Variants in CNNM4 observed in about 807,000 individuals in gnomAD.
CNNM4 encodes cyclin and CBS domain divalent metal cation transport mediator 4.
In CNNM4, 32 loss-of-function variants were observed where a neutral mutation model predicts 53.7. That is an observed-to-expected ratio of 0.60 (90% CI 0.45 to 0.80). CNNM4 has a LOEUF of 0.80. Ranked by LOEUF, CNNM4 falls within the 30% of genes least tolerant of loss-of-function variation. CNNM4 has a pLI of 0.00. For missense variants in CNNM4, 784 were observed against 1,022.0 expected (o/e 0.77, Z 3.17); for synonymous variants, 410 against 440.0 (o/e 0.93, Z 0.85).
chr2:96,792,986 G>A lies in CNNM4; in HGVS notation c.1403-4026G>A, dbSNP rs140983820. Among the ~76,000 whole-genome samples the A allele has an allele frequency of 2.0e-3, 297 of 152,240 alleles. 1 individual carries two copies. Among genetic ancestry groups the A allele is most frequent in the African/African-American group, 6.6e-3 (275 of 41,526 alleles). ...AGAGGAATCTGGAGGGCACGGGAGA[G>A]GACAGGGCTGCAGAGATTTATTTGG... On this transcript the variant is annotated intron_variant, in intron 1 of 6. Coordinates refer to ENST00000377075, the MANE Select transcript of CNNM4 (RefSeq NM_020184.4).
chr2:96,781,657 TG>T (rs1228247462), intron 1 of CNNM4, among the ~76,000 whole-genome samples: 5 of 152,228 alleles, frequency 3.3e-5, no homozygotes, highest in Non-Finnish European at 1.5e-5. Context: ...CAGTGAGCTT[TG>T]GGGTCCAGAG....
intron 1 of CNNM4, among the ~76,000 whole-genome samples, chr2:96,778,742 T>C (rs1420420338): frequency 1.3e-5 from 2 of 151,724 alleles, no homozygotes; most frequent in African/African-American, 2.4e-5. Flanking sequence ...GCATGCCACT[T>C]GTCCCAGTTA....
chr2:96,799,120 C>T lies in CNNM4; in HGVS notation c.1745C>T (p.Pro582Leu). Residue 582 changes from proline (P) to leucine (L), a missense_variant, in exon 4 of 7, where the codon CCA (proline) becomes CTA (leucine). Pro to Leu is a moderately conservative substitution (Grantham distance 98, BLOSUM62 -3). Coordinates refer to ENST00000377075, the MANE Select transcript of CNNM4 (RefSeq NM_020184.4). ...ATCCTGCTGCGGCTACTCAAGTACC[C>T]AGATGTCATTCAGGAACTCAAGTTT... The part of the protein sequence containing the change: ...EKILLRLLKY[P>L]DVIQELKFDE... 1 of 1,614,028 alleles carries T rather than the reference C, an allele frequency of 6.2e-7. No individual in the cohort carries two copies. Among genetic ancestry groups the T allele is most frequent in the Non-Finnish European group, 8.5e-7 (1 of 1,179,986 alleles).
At chr2:96,795,210 T>G (rs933975574) in intron 1 of CNNM4, among the ~76,000 whole-genome samples, 3 of 152,248 alleles carry the variant, frequency 2.0e-5, no homozygotes, top group Admixed American at 2.0e-4. Flanking sequence ...GCACTGTCTT[T>G]CTGGAGGGCA....
chr2:96,796,931 C>A, intron 1 of CNNM4, 81 bp from the exon 2 acceptor site: 1 of 1,446,876 alleles, frequency 6.9e-7, no homozygotes, highest in African/African-American at 1.4e-5. Context: ...TATGACCCTA[C>A]GTCTAGAGTT....
chr2:96,792,635 T>C (rs2079071847), intron 1 of CNNM4, among the ~76,000 whole-genome samples: 1 of 152,034 alleles, frequency 6.6e-6, no homozygotes, highest in African/African-American at 2.4e-5. Context: ...AAACCCCATC[T>C]CTACTAAAAA....
chr2:96,804,170 C>T (rs951411717), intron 5 of CNNM4, among the ~76,000 whole-genome samples: 2 of 151,770 alleles, frequency 1.3e-5, no homozygotes, highest in Non-Finnish European at 2.9e-5. Context: ...ACTGGGATTA[C>T]AGGCATGAAC....
rs752249547 is a variant in CNNM4, at chr2:96,761,740, C to T, written c.741C>T (p.Leu247=). ...RKGNYLLCSL[L]LGNVLVNTSL... Reference sequence around the variant, plus strand: ...GCAACTACCTTCTCTGCTCGTTGCTCCTAGGGAACGTGCTGGTCAACACCT... The same window carrying T: ...GCAACTACCTTCTCTGCTCGTTGCTTCTAGGGAACGTGCTGGTCAACACCT... The change falls in exon 1 of 7, where the codon CTC becomes CTT. Residue 247 remains leucine (L), a synonymous_variant. Transcript: ENST00000377075. This position sits in a 1 kb window ranked among gnomAD's most constrained non-coding sequence, Gnocchi z 6.0. The T allele has an allele frequency of 1.2e-6, 2 of 1,610,340 alleles. No homozygotes were observed. Among genetic ancestry groups the T allele is most frequent in the African/African-American group, 1.3e-5 (1 of 75,016 alleles).
At chr2:96,788,285 C>A (rs1352654894) in intron 1 of CNNM4, among the ~76,000 whole-genome samples, 6 of 149,620 alleles carry the variant, frequency 4.0e-5, no homozygotes, top group Non-Finnish European at 8.9e-5. Flanking sequence ...GACAGGGTCT[C>A]ACTCTGTCTC....
rs2079115005 is a variant in CNNM4 at position 96,797,538 on chromosome 2, G to A, written c.1572G>A (p.Val524=). 3.1e-6 allele frequency: 5 copies of A among 1,614,220 alleles called. No homozygotes were observed. Among genetic ancestry groups the A allele is most frequent in the Non-Finnish European group, 4.2e-6 (5 of 1,180,038 alleles). The change falls in exon 3 of 7, where the codon GTG becomes GTA. Residue 524 remains valine (V), a synonymous_variant. Transcript: ENST00000377075. The surrounding 1 kb of genome is among the most constrained non-coding windows in gnomAD (Gnocchi z 6.0). ...CTGACAACCGAAGCCGGAAGCGGGT[G>A]TCTGAGAAGAACAAGCGTGACTTCT... ...MYTDNRSRKR[V]SEKNKRDFSA...
At chr2:96,789,075 G>T (rs1000593239) in intron 1 of CNNM4, among the ~76,000 whole-genome samples, 2 of 152,156 alleles carry the variant, frequency 1.3e-5, no homozygotes, top group African/African-American at 4.8e-5. Flanking sequence ...ATCCAGCAGG[G>T]GTGTGGAGCA....
At position 96,797,278 on chromosome 2, in the gene CNNM4, T is replaced by TGGGTGCCCTGCACTGGCC; in HGVS notation, c.1546+127_1546+144dup. ...GCCTAGCATCCAGAGGCCCAGTGGCTGGGTGCCCTGCACTGGCCGGGGTGA... is the reference window on the plus strand; with the variant it reads ...GCCTAGCATCCAGAGGCCCAGTGGCTGGGTGCCCTGCACTGGCCGGGTGCCCTGCACTGGCCGGGGTGA... On this transcript the variant is annotated intron_variant, in intron 2 of 6. Transcript: ENST00000377075. The surrounding 1 kb of genome is among the most constrained non-coding windows in gnomAD (Gnocchi z 6.0). 1 of 1,440,704 alleles carries TGGGTGCCCTGCACTGGCC rather than the reference T, an allele frequency of 6.9e-7. No homozygotes were observed. Among genetic ancestry groups the TGGGTGCCCTGCACTGGCC allele is most frequent in the Non-Finnish European group, 9.6e-7 (1 of 1,039,552 alleles). The allele number at this position is 1,440,704 out of a possible 1,614,324, so 89.2% of individuals were successfully genotyped here.
intron 1 of CNNM4, among the ~76,000 whole-genome samples, chr2:96,782,551 G>A (rs1290219813): frequency 2.6e-5 from 4 of 151,730 alleles, no homozygotes; most frequent in Non-Finnish European, 5.9e-5. Flanking sequence ...GTTTGATAGT[G>A]AGCAAGTAAT....
At chr2:96,802,746 A>C (rs527960747) in intron 5 of CNNM4, among the ~76,000 whole-genome samples, 2 of 152,368 alleles carry the variant, frequency 1.3e-5, no homozygotes, top group Non-Finnish European at 2.9e-5. Context: ...TTCCAACCAG[A>C]AAGTCTTTCA....
At chr2:96,765,442 T>C in intron 1 of CNNM4, among the ~76,000 whole-genome samples, 1 of 152,022 alleles carries the variant, frequency 6.6e-6, no homozygotes, top group East Asian at 1.9e-4. Flanking sequence ...CTGGCATTGT[T>C]AACAGCACCA....
chr2:96,787,179 G>A (rs960946635), intron 1 of CNNM4, among the ~76,000 whole-genome samples: 9 of 152,162 alleles, frequency 5.9e-5, no homozygotes, highest in Admixed American at 2.0e-4. Flanking sequence ...ACTTCCTAGG[G>A]TTGGGAGAAA....
At chr2:96,775,965 A>G (rs1050476583) in intron 1 of CNNM4, among the ~76,000 whole-genome samples, 2 of 149,668 alleles carry the variant, frequency 1.3e-5, no homozygotes, top group African/African-American at 4.9e-5. Context: ...GCCTCAAACC[A>G]TCTTCCCTCC....
chr2:96,770,034 G>A (rs529668775), intron 1 of CNNM4, among the ~76,000 whole-genome samples: 1 of 152,348 alleles, frequency 6.6e-6, no homozygotes, highest in Non-Finnish European at 1.5e-5. Context: ...GGAGGGGCCT[G>A]GTGCGTGCCA....
intron 1 of CNNM4, among the ~76,000 whole-genome samples, chr2:96,783,339 G>A (rs1201986460): frequency 2.0e-5 from 3 of 152,208 alleles, no homozygotes; most frequent in African/African-American, 7.2e-5. Flanking sequence ...AAAGGAAGAA[G>A]CAGTTTGCTG....
Sources: allele counts gnomAD v4.1 joint callset (sites outside exome capture counted in the v4.1 genomes callset), GRCh38; gene constraint gnomAD v4.1.1; non-coding constraint Gnocchi (gnomAD v3.1); transcripts MANE v1.5; gene names NCBI Gene and HGNC (gene_info 2026-07-23, HGNC 2026-07-21).